MBTPS1: variants seen among roughly 807,000 people sequenced by gnomAD.
The protein encoded by MBTPS1 is membrane-bound transcription factor site-1 protease.
Under a neutral mutation model 127.8 loss-of-function variants are expected in MBTPS1, and 94 were observed. The observed-to-expected ratio is 0.74, with a 90% CI of 0.62 to 0.87. MBTPS1 has a LOEUF of 0.87. MBTPS1 is among the 40% of genes least tolerant of loss of function. The pLI, the probability that MBTPS1 is intolerant of heterozygous loss-of-function variation, is 0.00. For synonymous variants in MBTPS1, 632 were observed against 509.4 expected (o/e 1.24, Z -3.24); for missense variants, 1,636 against 1,353.2 (o/e 1.21, Z -3.28).
chr16:84,054,840 C>G (rs1233638652), intron 22 of MBTPS1, among the ~76,000 whole-genome samples, 195 bp from the exon 23 acceptor site: 2 of 152,216 alleles, frequency 1.3e-5, no homozygotes, highest in Non-Finnish European at 2.9e-5. Context: ...GAGCAAAGAG[C>G]AGCCACTTCC....
chr16:84,059,577 G>C, intron 20 of MBTPS1, 149 bp from the exon 21 acceptor site: 2 of 649,614 alleles, frequency 3.1e-6, no homozygotes, highest in South Asian at 4.0e-5. Context: ...TCCATGAGCC[G>C]CAGGAGCCAC....
intron 12 of MBTPS1, 120 bp from the exon 13 acceptor site, chr16:84,070,896 G>A (rs573900125): frequency 4.0e-6 from 3 of 742,634 alleles, no homozygotes; most frequent in African/African-American, 1.8e-5. Flanking sequence ...ACTAAATAGG[G>A]AAAAATAAAA....
intron 3 of MBTPS1, 106 bp downstream of exon 3, chr16:84,098,947 G>C (rs954504476): frequency 8.8e-6 from 10 of 1,133,636 alleles, no homozygotes; most frequent in African/African-American, 1.6e-5. Flanking sequence ...TAGCAAACTA[G>C]ATGGAAGGAT....
chr16:84,074,930 CTG>C, intron 11 of MBTPS1, 189 bp from the exon 12 acceptor site: 2 of 494,944 alleles, frequency 4.0e-6, no homozygotes, highest in South Asian at 2.8e-5. Flanking sequence ...CTGTGCCAGC[CTG>C]CTGTCTATAC....
At chr16:84,088,208 C>CA (rs1010585601) in intron 8 of MBTPS1, among the ~76,000 whole-genome samples, 6 of 151,748 alleles carry the variant, frequency 4.0e-5, no homozygotes, top group East Asian at 3.9e-4. Flanking sequence ...GCTCCACTAC[C>CA]AAAAAAAATG....
At chr16:84,103,251 T>C (rs1035558295) in intron 1 of MBTPS1, among the ~76,000 whole-genome samples, 3 of 150,296 alleles carry the variant, frequency 2.0e-5, no homozygotes, top group African/African-American at 2.5e-5. Flanking sequence ...TTTATTATTA[T>C]TATTATTTTT....
intron 15 of MBTPS1, 100 bp downstream of exon 15, chr16:84,068,239 T>G: frequency 3.5e-6 from 3 of 846,488 alleles, no homozygotes; most frequent in Non-Finnish European, 6.0e-6. Context: ...CATACTCCCT[T>G]GGTAGCTATC....
intron 8 of MBTPS1, among the ~76,000 whole-genome samples, chr16:84,089,848 G>C (rs1410701734): frequency 1.3e-5 from 2 of 152,282 alleles, no homozygotes; most frequent in Admixed American, 6.5e-5. Flanking sequence ...GCCTTGAGTG[G>C]GGACATCAGA....
At chr16:84,060,614 TG>T (rs1193009548) in intron 20 of MBTPS1, 67 bp downstream of exon 20, 18 of 1,556,326 alleles carry the variant, frequency 1.2e-5, no homozygotes, top group African/African-American at 2.7e-5. Context: ...GCACAGCCAC[TG>T]GCTGAAGTAG....
At chr16:84,056,832 T>C (rs1471108738) in intron 21 of MBTPS1, 1 of 152,070 alleles carries the variant, frequency 6.6e-6, no homozygotes, top group Non-Finnish European at 1.5e-5. Flanking sequence ...CCAATACAAC[T>C]TAGACCCGAA....
Position 84,074,639 on chromosome 16 carries a change from G to A in MBTPS1, c.1551C>T (p.Thr517=), listed in dbSNP as rs904444651. 23 of 1,614,124 alleles carry A rather than the reference G, an allele frequency of 1.4e-5. No individual in the cohort carries two copies. Among genetic ancestry groups the A allele is most frequent in the Non-Finnish European group, 1.8e-5 (21 of 1,180,000 alleles). The change falls in exon 12 of 23, where the codon ACC becomes ACT. Residue 517 remains threonine (T), a synonymous_variant. Transcript: ENST00000343411. ...CTGTGACTCCCATGCCGTTGAGGAT[G>A]GTGACATTAACAACTGTCGGCATTC... ...YGGMPTVVNV[T]ILNGMGVTGR...
chr16:84,114,931 T>C (rs1030816092), intron 1 of MBTPS1, among the ~76,000 whole-genome samples: 1 of 151,460 alleles, frequency 6.6e-6, no homozygotes, highest in Non-Finnish European at 1.5e-5. Context: ...AAGTTTTTTT[T>C]TGTTTTTTGT....
At chr16:84,112,151 G>C (rs559478909) in intron 1 of MBTPS1, among the ~76,000 whole-genome samples, 15 of 152,124 alleles carry the variant, frequency 9.9e-5, no homozygotes, top group African/African-American at 3.4e-4. Context: ...GCAGTGGGCG[G>C]AGATAAAGCC....
At chr16:84,085,273 G>C (rs930973764) in intron 9 of MBTPS1, 139 bp from the exon 10 acceptor site, 8 of 875,784 alleles carry the variant, frequency 9.1e-6, no homozygotes, top group Admixed American at 2.6e-5. Context: ...GTTTTAGTCT[G>C]AAATTCACTC....
chr16:84,073,252 G>C (rs1056411483), intron 12 of MBTPS1, among the ~76,000 whole-genome samples: 2 of 152,158 alleles, frequency 1.3e-5, no homozygotes, highest in African/African-American at 4.8e-5. Context: ...TCCTGCTTCA[G>C]CCTCCCGAGT....
intron 1 of MBTPS1, among the ~76,000 whole-genome samples, chr16:84,112,690 A>G (rs1270846135): frequency 6.6e-6 from 1 of 150,412 alleles, no homozygotes; most frequent in African/African-American, 2.4e-5. Context: ...CAAAAAAAGA[A>G]TACGCCGGGC....
chr16:84,074,679 G>A lies in MBTPS1; in HGVS notation c.1511C>T (p.Pro504Leu), dbSNP rs1332099324. The change falls in exon 12 of 23, where the codon CCC becomes CTC. Residue 504 changes from proline (P) to leucine (L), a missense_variant. Physicochemically the swap from Pro to Leu is moderately conservative, Grantham distance 98. Transcript: ENST00000343411. Reference sequence around the variant, plus strand: ...TGTCGGCATTCCTCCATAGTAGATGGGCTGGGAGCAGTAGGGCCACATGTA... The same window carrying A: ...TGTCGGCATTCCTCCATAGTAGATGAGCTGGGAGCAGTAGGGCCACATGTA... ...CPYMWPYCSQ[P>L]IYYGGMPTVV... The A allele has an allele frequency of 6.2e-7, 1 of 1,614,096 alleles. No homozygotes were observed. Among genetic ancestry groups the A allele is most frequent in the Non-Finnish European group, 8.5e-7 (1 of 1,179,950 alleles).
At chr16:84,103,250 A>AT (rs1343318578) in intron 1 of MBTPS1, among the ~76,000 whole-genome samples, 2 of 148,906 alleles carry the variant, frequency 1.3e-5, no homozygotes, top group East Asian at 2.0e-4. Context: ...TTTTATTATT[A>AT]TTATTATTTT....
chr16:84,097,774 C>A (rs1480182153), intron 3 of MBTPS1, among the ~76,000 whole-genome samples: 2 of 151,916 alleles, frequency 1.3e-5, no homozygotes, highest in African/African-American at 4.8e-5. Flanking sequence ...GCAGAAAAGG[C>A]TCTGAAAAAG....
Sources: allele counts gnomAD v4.1 joint callset (sites outside exome capture counted in the v4.1 genomes callset), GRCh38; gene constraint gnomAD v4.1.1; transcripts MANE v1.5; gene names NCBI Gene and HGNC (gene_info 2026-07-23, HGNC 2026-07-21).